Variants in TTN observed in about 807,000 individuals in gnomAD.
TTN encodes titin, also known as connectin.
TTN carries 1,525 observed loss-of-function variants against 3,223.0 expected under a neutral mutation model. The observed-to-expected ratio is 0.47, with a 90% confidence interval of 0.45 to 0.49. The LOEUF (loss-of-function observed/expected upper bound fraction) is 0.49, where lower values mean the gene tolerates loss of function less well. TTN is among the 20% of genes least tolerant of loss of function. TTN has a pLI of 0.00. For missense variants in TTN, 40,786 were observed against 43,424.0 expected (o/e 0.94, Z 5.40); for synonymous variants, 14,094 against 15,161.0 (o/e 0.93, Z 5.17).
In TTN at chr2:178,552,911, A is replaced by T. The variant is rs369855092; in HGVS notation, c.89989T>A (p.Leu29997Met). The T allele has an allele frequency of 7.2e-4, 1,166 of 1,613,724 alleles. 13 individuals carry two copies. The South Asian group carries it at 0.012, about 17-fold the overall frequency. ...AAGAAGAATGGAGTCTTCTCCGACAAATCTATTAGCTTGAAGGATGTGCTA... is the reference window on the plus strand; with the variant it reads ...AAGAAGAATGGAGTCTTCTCCGACATATCTATTAGCTTGAAGGATGTGCTA... The part of the protein sequence containing the change: ...CSSTSFKLID[L>M]SEKTPFFFRV... Residue 29997 changes from leucine to methionine, a missense_variant, in exon 335 of 363, where the codon TTG becomes ATG. Coordinates refer to ENST00000589042, the MANE Select transcript of TTN (RefSeq NM_001267550.2).
intron 47 of TTN, among the ~76,000 whole-genome samples, chr2:178,752,344 T>A (rs947139704): frequency 6.6e-6 from 1 of 152,062 alleles, no homozygotes; most frequent in African/African-American, 2.4e-5. Context: ...GCAGGAAAAC[T>A]TTGTTCTTTT....
chr2:178,594,574 G>C lies in TTN; in HGVS notation c.57920C>G (p.Pro19307Arg). 6.2e-7 allele frequency: 1 copy of C among 1,613,020 alleles called. No homozygotes were observed. The highest frequency in any genetic ancestry group is 8.5e-7 in the Non-Finnish European group (1 of 1,179,358). The stretch of plus-strand genomic sequence containing the variant: ...TTCTGACCCACCATCATACTTAGGA[G>C]GATTCCAAGTCAAAGTTACAGTATT... ...TKNTVTLTWN[P>R]PKYDGGSEII... is the part of the protein sequence containing the mutation. Residue 19307 changes from proline to arginine, a missense_variant, in exon 296 of 363, where the codon CCT becomes CGT. Coordinates refer to ENST00000589042, the MANE Select transcript of TTN (RefSeq NM_001267550.2).
chr2:178,671,963 C>T lies in TTN; in HGVS notation c.35227+8G>A, dbSNP rs1253210511. 11 of 1,589,162 alleles carry T rather than the reference C, an allele frequency of 6.9e-6. No individual in the cohort carries two copies. Among genetic ancestry groups the T allele is most frequent in the Non-Finnish European group, 9.4e-6 (11 of 1,173,736 alleles). ...AAGAATTTGTAGTATTTGAAGAATTCCCTATACCTTTAGGTGGAGCTTTTG... is the reference window on the plus strand; with the variant it reads ...AAGAATTTGTAGTATTTGAAGAATTTCCTATACCTTTAGGTGGAGCTTTTG... On this transcript the variant is annotated splice_region_variant and intron_variant, in intron 155 of 362. Coordinates refer to ENST00000589042, the MANE Select transcript of TTN (RefSeq NM_001267550.2).
chr2:178,680,293 C>T lies in TTN; in HGVS notation c.33379G>A (p.Val11127Ile), dbSNP rs543203480. The change falls in exon 139 of 363, where the codon GTA becomes ATA. Residue 11127 changes from valine (V) to isoleucine (I), a missense_variant. Transcript: ENST00000589042. ...KPKRVVAEEK[V>I]PVPRKEVAPP... is the part of the protein sequence containing the mutation. ...GCTACTTCTTTTCTAGGGACAGGTA[C>T]TTTTTCTTCTGCGACAACCCTCTTG... The T allele has an allele frequency of 6.8e-6, 11 of 1,611,896 alleles. No homozygotes were observed. The highest frequency in any genetic ancestry group is 1.7e-5 in the Admixed American group (1 of 59,580).
intron 62 of TTN, 68 bp from the exon 63 acceptor site, chr2:178,730,013 C>T: frequency 6.3e-7 from 1 of 1,596,500 alleles, no homozygotes; most frequent in South Asian, 1.1e-5. Context: ...AAACTGCTGT[C>T]TTAAGCGTCC....
intron 45 of TTN, 27 bp downstream of exon 45, chr2:178,757,515 A>T: frequency 6.6e-7 from 1 of 1,515,698 alleles, no homozygotes. Context: ...CAGCAAATCA[A>T]AGTCCTTGAA....
intron 208 of TTN, 146 bp from the exon 209 acceptor site, chr2:178,650,980 C>G (rs2062841928): frequency 2.3e-6 from 2 of 882,316 alleles, no homozygotes; most frequent in African/African-American, 1.7e-5. Context: ...GTCTTTGGAC[C>G]CTCATATAGT....
At position 178,780,118 on chromosome 2, in the gene TTN, T is replaced by G. The variant is rs779302369; in HGVS notation, c.3611A>C (p.Glu1204Ala). Residue 1204 changes from glutamate (E) to alanine (A), a missense_variant, in exon 22 of 363, where the codon GAA becomes GCA. Coordinates refer to ENST00000589042, the MANE Select transcript of TTN (RefSeq NM_001267550.2). ...TAFVQEPKVG[E>A]TAPGFVYSEY... ...AGAGTATACAAATCCAGGTGCTGTTTCTCCAACTTTAGGTTCTTGAACAAA... is the reference window on the plus strand; with the variant it reads ...AGAGTATACAAATCCAGGTGCTGTTGCTCCAACTTTAGGTTCTTGAACAAA... 2.5e-6 allele frequency: 4 copies of G among 1,613,772 alleles called. No homozygotes were observed. In the Admixed American group the frequency reaches 6.7e-5, roughly 27 times the overall value.
rs748142048 is a variant in TTN, at chr2:178,563,217, T to C, written c.82915A>G (p.Asn27639Asp). 2 of 1,613,726 alleles carry C rather than the reference T, an allele frequency of 1.2e-6. No homozygotes were observed. Among genetic ancestry groups the C allele is most frequent in the Admixed American group, 3.3e-5 (2 of 59,998 alleles). Residue 27639 changes from asparagine (N) to aspartate (D), a missense_variant, in exon 326 of 363, where the codon AAC becomes GAC. By Grantham distance (23) the Asn-to-Asp change is conservative. Coordinates refer to ENST00000589042, the MANE Select transcript of TTN (RefSeq NM_001267550.2). This position sits in a 1 kb window ranked among gnomAD's most constrained non-coding sequence, Gnocchi z 4.5. ...CAAATACGGAAGTTATATTCAGTGT[T>C]TTCTTTAAGCTTGGTCACTGTGAAC... ...KQFTVTKLKE[N>D]TEYNFRICAI...
At chr2:178,751,378 T>C in intron 47 of TTN, 1 of 1,606,416 alleles carries the variant, frequency 6.2e-7, no homozygotes, top group Non-Finnish European at 8.5e-7. Context: ...CTAAATATTC[T>C]TCATCATACA....
intron 240 of TTN, among the ~76,000 whole-genome samples, chr2:178,627,402 G>A (rs1316395995): frequency 2.0e-5 from 3 of 151,948 alleles, no homozygotes; most frequent in African/African-American, 7.2e-5. Flanking sequence ...ATTGACAAGA[G>A]CAAGTTTGTT....
At chr2:178,738,402 G>C in intron 48 of TTN, 42 bp from the exon 49 acceptor site, 1 of 1,550,892 alleles carries the variant, frequency 6.4e-7, no homozygotes, top group Non-Finnish European at 8.7e-7. Context: ...CTCCTTATCA[G>C]GCATATGACA....
intron 349 of TTN, chr2:178,541,869 T>C (rs1264394889): frequency 9.1e-6 from 2 of 219,982 alleles, no homozygotes; most frequent in East Asian, 9.8e-5. Context: ...TTTTGTACTT[T>C]CCTTGCTGTT....
chr2:178,641,337 T>C, intron 219 of TTN, 22 bp from the exon 220 acceptor site: 1 of 1,320,344 alleles, frequency 7.6e-7, no homozygotes, highest in Non-Finnish European at 1.0e-6. Flanking sequence ...AAAAGGTTTA[T>C]ATGTAAACCA....
At chr2:178,597,180 A>G (rs2051928794) in intron 294 of TTN, among the ~76,000 whole-genome samples, 1 of 152,132 alleles carries the variant, frequency 6.6e-6, no homozygotes. Context: ...GGCAAGTTCT[A>G]TAAAAAAGCC....
chr2:178,613,129 C>T (rs184858172), intron 264 of TTN, 32 bp downstream of exon 264: 106 of 1,607,748 alleles, frequency 6.6e-5, no homozygotes, highest in Middle Eastern at 1.7e-4. Flanking sequence ...ATATGAACTT[C>T]GAAATAACCA....
chr2:178,741,834 A>T lies in TTN; in HGVS notation c.11399T>A (p.Leu3800His), dbSNP rs1303236667. The change falls in exon 48 of 363, where the codon CTT becomes CAT. Residue 3800 changes from leucine to histidine, a missense_variant. Transcript: ENST00000589042. Reference protein sequence around the residue: ...QLSKINETLELLSESPVYPTK... With the variant: ...QLSKINETLEHLSESPVYPTK... ...TGGGTAAACTGGAGATTCAGACAAA[A>T]GTTCAAGTGTTTCATTTATTTTAGA... The T allele has an allele frequency of 2.5e-6, 4 of 1,610,740 alleles. No homozygotes were observed. Among genetic ancestry groups the T allele is most frequent in the Middle Eastern group, 1.7e-4 (1 of 6,052 alleles).
chr2:178,533,559 T>C lies in TTN; in HGVS notation c.103056A>G (p.Leu34352=). The change falls in exon 358 of 363, where the codon CTA becomes CTG. Residue 34352 remains leucine, a synonymous_variant. Transcript: ENST00000589042. ...AGGTACTATCTGTTGGAGGTGGGTG[T>C]AGGGTTACTGTCAGCTTTGCTTTAC... ...DSCKAKLTVT[L]HPPPTDSTLR... is the part of the protein sequence containing the mutation. 6 of 1,613,942 alleles carry C rather than the reference T, an allele frequency of 3.7e-6. No individual in the cohort carries two copies. The highest frequency in any genetic ancestry group is 5.1e-6 in the Non-Finnish European group (6 of 1,179,848).
intron 47 of TTN, chr2:178,750,388 T>A: frequency 6.2e-7 from 1 of 1,612,982 alleles, no homozygotes; most frequent in Non-Finnish European, 8.5e-7. Context: ...GATGAACAGA[T>A]GAAAGAGTTA....
Sources: gnomAD v4.1 joint callset for allele counts (sites outside exome capture counted in the v4.1 genomes callset) on GRCh38, gnomAD v4.1.1 for gene constraint, Gnocchi (gnomAD v3.1) non-coding constraint, MANE v1.5 for transcripts, NCBI Gene and HGNC (gene_info 2026-07-23, HGNC 2026-07-21) for gene names.